DPP6: variants seen among roughly 807,000 people sequenced by gnomAD.
The protein encoded by DPP6 is dipeptidyl peptidase like 6, also known as A-type potassium channel modulatory protein DPP6.
A neutral mutation model predicts 122.6 loss-of-function variants in DPP6; 69 were observed. The ratio of observed to expected loss-of-function variants is 0.56; its 90% confidence interval spans 0.46 to 0.69. DPP6 has a LOEUF of 0.69. DPP6 is among the 30% of genes least tolerant of loss of function. DPP6 has a pLI of 0.00. For synonymous variants in DPP6, 418 were observed against 433.1 expected (o/e 0.97, Z 0.43); for missense variants, 928 against 1,116.9 (o/e 0.83, Z 2.41).
intron 1 of DPP6, among the ~76,000 whole-genome samples, chr7:154,189,175 C>T (rs962045811): frequency 2.0e-5 from 3 of 152,170 alleles, no homozygotes; most frequent in Non-Finnish European, 2.9e-5. Flanking sequence ...AAGATGAGAT[C>T]GTGATACCTT....
chr7:154,330,880 G>A (rs1011000649), intron 1 of DPP6, among the ~76,000 whole-genome samples: 3 of 152,198 alleles, frequency 2.0e-5, no homozygotes, highest in Non-Finnish European at 1.5e-5. Flanking sequence ...GGGCAGAGCA[G>A]CTGTATGACT....
chr7:154,630,349 A>G (rs959227289), intron 5 of DPP6, among the ~76,000 whole-genome samples: 4 of 152,232 alleles, frequency 2.6e-5, no homozygotes, highest in African/African-American at 9.6e-5. Flanking sequence ...GCTAGAGGGT[A>G]GAAAACGTGG....
intron 1 of DPP6, among the ~76,000 whole-genome samples, chr7:154,016,428 A>G (rs1798422619): frequency 6.6e-6 from 1 of 151,346 alleles, no homozygotes; most frequent in Non-Finnish European, 1.5e-5. Flanking sequence ...GAAGCCAAGT[A>G]ACTGGTATGC....
intron 1 of DPP6, among the ~76,000 whole-genome samples, chr7:154,361,597 G>C (rs1293009279): frequency 1.8e-5 from 2 of 108,628 alleles, no homozygotes; most frequent in Non-Finnish European, 1.7e-5. Flanking sequence ...GAGAATAATT[G>C]CTAGCCAAAA....
chr7:154,483,977 G>C lies in DPP6; in HGVS notation c.457+8940G>C, dbSNP rs1823566297. ...CAAAGTGTTGGGATTACAGATGTGA[G>C]CCACCACGCCCGGCCCAGGTTAAAT... On this transcript the variant is annotated intron_variant, in intron 3 of 25. Transcript: ENST00000377770. The surrounding 1 kb of genome is among the most constrained non-coding windows in gnomAD (Gnocchi z 8.1). 6.6e-6 allele frequency among the ~76,000 whole-genome samples: 1 copy of C among 152,196 alleles called. No individual in the cohort carries two copies. Among genetic ancestry groups the C allele is most frequent in the South Asian group, 2.1e-4 (1 of 4,830 alleles).
At position 154,607,589 on chromosome 7, in the gene DPP6, G is replaced by T. The variant is rs371983104; in HGVS notation, c.628-30232G>T. Among the ~76,000 whole-genome samples, 2 of 63,544 alleles carry T rather than the reference G, an allele frequency of 3.1e-5. 1 individual carries two copies. Among genetic ancestry groups the T allele is most frequent in the African/African-American group, 9.0e-5 (2 of 22,138 alleles). 41.7% of individuals were successfully genotyped at this position (63,544 alleles called of 152,430 possible). A position where few individuals can be genotyped will look rare whatever the true frequency, so the allele number is the denominator to read the frequency against. On this transcript the variant is annotated intron_variant, in intron 5 of 25. Transcript: ENST00000377770. ...AAAAAAAAAAAAAAAAAAAAAAAAA[G>T]GAAAGAAAAAGTTGAATTGCTTGAT...
rs183316523 is a variant in DPP6 at position 154,077,964 on chromosome 7, C to T, written c.243+24901C>T. Among the ~76,000 whole-genome samples, 224 of 152,196 alleles carry T rather than the reference C, an allele frequency of 1.5e-3. 2 individuals are homozygous for T. The highest frequency in any genetic ancestry group is 5.3e-3 in the African/African-American group (221 of 41,508). On this transcript the variant is annotated intron_variant, in intron 1 of 25. Coordinates refer to ENST00000377770, the MANE Select transcript of DPP6 (RefSeq NM_130797.4). ...GATTACAGGCATGAGCTACTGCTCC[C>T]GGCCAATAGATTATAGATATAATTT...
chr7:153,892,651 C>A (rs549313666), intron 1 of DPP6, among the ~76,000 whole-genome samples: 1 of 152,206 alleles, frequency 6.6e-6, no homozygotes, highest in African/African-American at 2.4e-5. Context: ...AGGAGTGTGG[C>A]CTTCAGTAAT....
At chr7:154,361,751 G>C (rs1037101113) in intron 1 of DPP6, among the ~76,000 whole-genome samples, 1 of 152,144 alleles carries the variant, frequency 6.6e-6, no homozygotes, top group Non-Finnish European at 1.5e-5. Context: ...GTAAGCCCTC[G>C]GGCATACACT....
At chr7:154,867,846 C>T (rs1804017311) in intron 17 of DPP6, 149 bp from the exon 18 acceptor site, 2 of 1,100,842 alleles carry the variant, frequency 1.8e-6, no homozygotes, top group Admixed American at 3.8e-5. Context: ...TTTTTAATGC[C>T]CAGTTTCTTT....
At chr7:154,383,585 A>G (rs1813818758) in intron 1 of DPP6, among the ~76,000 whole-genome samples, 1 of 152,118 alleles carries the variant, frequency 6.6e-6, no homozygotes, top group East Asian at 1.9e-4. Flanking sequence ...TAATGACTCA[A>G]CAGTTTTAAA....
At chr7:154,122,429 T>C (rs1807543525) in intron 1 of DPP6, among the ~76,000 whole-genome samples, 1 of 152,216 alleles carries the variant, frequency 6.6e-6, no homozygotes, top group African/African-American at 2.4e-5. Flanking sequence ...AAATGACTTA[T>C]TTTAACAAGC....
At chr7:153,846,687 CTTTTTTTT>C in the DPP6 span, among the ~76,000 whole-genome samples, 1 of 78,206 alleles carries the variant, frequency 1.3e-5, no homozygotes, top group Non-Finnish European at 2.3e-5. Flanking sequence ...TGGCTTGGTT[CTTTTTTTT>C]TTTTTTTTTT....
At chr7:154,647,090 C>T (rs1325001193) in intron 6 of DPP6, among the ~76,000 whole-genome samples, 1 of 152,158 alleles carries the variant, frequency 6.6e-6, no homozygotes, top group Non-Finnish European at 1.5e-5. Flanking sequence ...TACTGGGGGA[C>T]CCCATAAATG....
rs552869397 is a variant in DPP6 at position 154,892,852 on chromosome 7, C to T, written c.*372C>T. ...AGCCACCAAGCGGAAGCATGAGACC[C>T]GCCCACACTAGCCTCTGTGTTCCCG... On this transcript the variant is annotated 3_prime_UTR_variant, in exon 26 of 26. Transcript: ENST00000377770. 1 of 540,770 alleles carries T rather than the reference C, an allele frequency of 1.8e-6. No homozygotes were observed. Among genetic ancestry groups the T allele is most frequent in the East Asian group, 5.0e-5 (1 of 20,028 alleles). The allele number at this position is 540,770 out of a possible 1,614,324, so 33.5% of individuals were successfully genotyped here.
chr7:153,909,316 C>T (rs142088578), intron 1 of DPP6, among the ~76,000 whole-genome samples: 3,520 of 152,182 alleles, frequency 0.023, 57 homozygotes, highest in Middle Eastern at 0.051. Context: ...AGAGCAGGGG[C>T]TGGGCATTGT....
At chr7:154,333,712 A>T (rs575047350) in intron 1 of DPP6, among the ~76,000 whole-genome samples, 1 of 152,256 alleles carries the variant, frequency 6.6e-6, no homozygotes, top group Admixed American at 6.5e-5. Context: ...TCAGAAAAAC[A>T]ATCTCCTCAT....
At chr7:154,309,414 C>T (rs527517651) in intron 1 of DPP6, among the ~76,000 whole-genome samples, 1 of 152,222 alleles carries the variant, frequency 6.6e-6, no homozygotes, top group Non-Finnish European at 1.5e-5. Flanking sequence ...AATGCCATTA[C>T]AGAAGAACTT....
chr7:154,339,583 G>A (rs751967745), intron 1 of DPP6, among the ~76,000 whole-genome samples: 5 of 152,166 alleles, frequency 3.3e-5, no homozygotes, highest in Admixed American at 6.5e-5. Flanking sequence ...CAATTCATAG[G>A]AATCAATCAT....
Sources: gnomAD v4.1 joint callset for allele counts (sites outside exome capture counted in the v4.1 genomes callset) on GRCh38, gnomAD v4.1.1 for gene constraint, Gnocchi (gnomAD v3.1) non-coding constraint, MANE v1.5 for transcripts, NCBI Gene and HGNC (gene_info 2026-07-23, HGNC 2026-07-21) for gene names.